The following SOBP variants were observed in gnomAD, a reference collection of about 807,000 sequenced individuals.
The protein encoded by SOBP is sine oculis-binding protein homolog.
Under a neutral mutation model 53.6 loss-of-function variants are expected in SOBP, and 4 were observed. That is an observed-to-expected ratio of 0.07 (90% CI 0.04 to 0.17). SOBP has a LOEUF of 0.17. SOBP is among the 10% of genes least tolerant of loss of function. The pLI is 1.00. For synonymous variants in SOBP, 584 were observed against 522.6 expected, an observed-to-expected ratio of 1.12 and a Z score of -1.60; for missense variants, 1,088 against 1,204.7, an observed-to-expected ratio of 0.90 and a Z score of 1.43.
chr6:107,653,654 T>C (rs1259085395), intron 6 of SOBP, among the ~76,000 whole-genome samples: 3 of 152,180 alleles, frequency 2.0e-5, no homozygotes, highest in South Asian at 2.1e-4. Flanking sequence ...ATTATGCTAA[T>C]TACAAAAGTA....
intron 5 of SOBP, among the ~76,000 whole-genome samples, chr6:107,596,841 A>ACCG (rs1436847984): frequency 6.6e-6 from 1 of 152,170 alleles, no homozygotes; most frequent in Non-Finnish European, 1.5e-5. Flanking sequence ...CACCACCACC[A>ACCG]CCACCACCAT....
chr6:107,526,598 G>T (rs1393384464), intron 3 of SOBP, among the ~76,000 whole-genome samples: 1 of 152,104 alleles, frequency 6.6e-6, no homozygotes, highest in African/African-American at 2.4e-5. Context: ...ACTGCATTCT[G>T]CCTGTCATAA....
At chr6:107,565,655 A>G (rs1484291998) in intron 4 of SOBP, among the ~76,000 whole-genome samples, 1 of 152,212 alleles carries the variant, frequency 6.6e-6, no homozygotes, top group Non-Finnish European at 1.5e-5. Flanking sequence ...GAAGAGTGCT[A>G]GGGAGTAACA....
At chr6:107,576,120 A>G (rs747664241) in intron 4 of SOBP, among the ~76,000 whole-genome samples, 5 of 152,186 alleles carry the variant, frequency 3.3e-5, no homozygotes, top group Non-Finnish European at 5.9e-5. Context: ...TAACAGGTCA[A>G]GTGGCATGTG....
intron 4 of SOBP, among the ~76,000 whole-genome samples, chr6:107,534,462 AT>A (rs1465198461): frequency 6.6e-6 from 1 of 152,224 alleles, no homozygotes; most frequent in East Asian, 1.9e-4. Context: ...AATTCATAAA[AT>A]CTTTACTAAA....
At chr6:107,577,114 A>T (rs1277626640) in intron 4 of SOBP, among the ~76,000 whole-genome samples, 1 of 152,166 alleles carries the variant, frequency 6.6e-6, no homozygotes, top group Non-Finnish European at 1.5e-5. Flanking sequence ...ATCCTTTCGC[A>T]TGTTTTCTGG....
Position 107,584,132 on chromosome 6 carries a change from C to G in SOBP, c.574-2948C>G, listed in dbSNP as rs77402067. Among the ~76,000 whole-genome samples the G allele has an allele frequency of 2.0e-4, 31 of 152,068 alleles. No individual in the cohort carries two copies. The South Asian group carries it at 3.3e-3, about 16-fold the overall frequency. On this transcript the variant is annotated intron_variant, in intron 4 of 6. Transcript: ENST00000317357. ...ATAGCTGTAGGCACTCTCCTTAGATCGGCAGTTCTCGCCCTTCTTTGGTAC... is the reference window on the plus strand; with the variant it reads ...ATAGCTGTAGGCACTCTCCTTAGATGGGCAGTTCTCGCCCTTCTTTGGTAC...
rs141975785 is a variant in SOBP at position 107,593,964 on chromosome 6, T to C, written c.669+6789T>C. On this transcript the variant is annotated intron_variant, in intron 5 of 6. Coordinates refer to ENST00000317357, the MANE Select transcript of SOBP (RefSeq NM_018013.4). ...GAACTAGAGATACTTGTTGGCGGCA[T>C]CGCAAATGTTGCTGACTTATGAAGT... 2.4e-4 allele frequency among the ~76,000 whole-genome samples: 36 copies of C among 152,384 alleles called. No homozygotes were observed. The East Asian group carries it at 6.9e-3, about 29-fold the overall frequency.
chr6:107,510,230 C>CA (rs1182700962), intron 3 of SOBP, among the ~76,000 whole-genome samples: 43 of 151,732 alleles, frequency 2.8e-4, no homozygotes, highest in Admixed American at 2.0e-4. Flanking sequence ...GTTTTATTTA[C>CA]AAAAAAAACA....
At chr6:107,563,612 TA>T (rs1421641161) in intron 4 of SOBP, among the ~76,000 whole-genome samples, 1 of 151,792 alleles carries the variant, frequency 6.6e-6, no homozygotes, top group African/African-American at 2.4e-5. Context: ...AGAAAGATTA[TA>T]AATAGTGAGA....
chr6:107,513,088 T>C (rs1329097503), intron 3 of SOBP, among the ~76,000 whole-genome samples: 1 of 152,188 alleles, frequency 6.6e-6, no homozygotes, highest in East Asian at 1.9e-4. Context: ...ACATGTGAAG[T>C]AAAAGGAAGA....
intron 4 of SOBP, among the ~76,000 whole-genome samples, chr6:107,542,991 T>G (rs916382174): frequency 2.6e-5 from 4 of 152,116 alleles, no homozygotes; most frequent in African/African-American, 9.7e-5. Flanking sequence ...AGAGGTAGCA[T>G]TATGGTAAAG....
intron 5 of SOBP, among the ~76,000 whole-genome samples, chr6:107,610,213 C>T (rs900421836): frequency 5.3e-5 from 8 of 152,162 alleles, no homozygotes; most frequent in African/African-American, 1.9e-4. Context: ...TCTTCCCTTT[C>T]CACAGTGCTT....
intron 4 of SOBP, among the ~76,000 whole-genome samples, chr6:107,563,394 A>G (rs1784825617): frequency 6.6e-6 from 1 of 152,240 alleles, no homozygotes; most frequent in African/African-American, 2.4e-5. Flanking sequence ...ATACATTTTT[A>G]TGATTAGGAA....
intron 4 of SOBP, among the ~76,000 whole-genome samples, chr6:107,566,833 G>A (rs1246903215): frequency 6.6e-6 from 1 of 152,098 alleles, no homozygotes; most frequent in Non-Finnish European, 1.5e-5. Context: ...CTTGCAACAG[G>A]GTGTGTCATG....
intron 5 of SOBP, 107 bp from the exon 6 acceptor site, chr6:107,633,407 G>A: frequency 7.4e-7 from 1 of 1,359,498 alleles, no homozygotes; most frequent in Non-Finnish European, 1.1e-6. Context: ...GCCTGTTTGA[G>A]AAGTGCTGGT....
At chr6:107,522,953 G>A (rs1412387594) in intron 3 of SOBP, among the ~76,000 whole-genome samples, 1 of 152,186 alleles carries the variant, frequency 6.6e-6, no homozygotes, top group Non-Finnish European at 1.5e-5. Flanking sequence ...CTGCCATCAG[G>A]TAACTGGGTA....
At chr6:107,585,601 A>G (rs776092713) in intron 4 of SOBP, among the ~76,000 whole-genome samples, 1 of 152,240 alleles carries the variant, frequency 6.6e-6, no homozygotes, top group African/African-American at 2.4e-5. Flanking sequence ...TTAGTAGGAA[A>G]AAAAGGTACA....
intron 5 of SOBP, among the ~76,000 whole-genome samples, chr6:107,602,972 C>CAA (rs35388425): frequency 6.9e-6 from 1 of 144,072 alleles, no homozygotes; most frequent in Non-Finnish European, 1.6e-5. Context: ...CCGTCCCCCA[C>CAA]AAAAAAAAAA....
Sources: allele counts gnomAD v4.1 joint callset (sites outside exome capture counted in the v4.1 genomes callset), GRCh38; gene constraint gnomAD v4.1.1; transcripts MANE v1.5; gene names NCBI Gene and HGNC (gene_info 2026-07-23, HGNC 2026-07-21).